Variants in CES5A observed in about 807,000 individuals in gnomAD.
CES5A encodes the protein carboxylesterase 5A.
In CES5A, 67 loss-of-function variants were observed where a neutral mutation model predicts 62.9. The observed-to-expected ratio is 1.07, with a 90% CI of 0.88 to 1.31. The LOEUF is 1.31. CES5A is among the 50% of genes most tolerant of loss of function. The probability of loss-of-function intolerance (pLI) is 0.00; values close to 1 mark genes in which losing one functional copy is unlikely to be tolerated. For missense variants in CES5A, 748 were observed against 708.5 expected (o/e 1.06, Z -0.63); for synonymous variants, 296 against 280.8 (o/e 1.05, Z -0.54).
intron 1 of CES5A, among the ~76,000 whole-genome samples, chr16:55,885,852 G>T (rs956001728): frequency 1.3e-5 from 2 of 152,168 alleles, no homozygotes; most frequent in African/African-American, 4.8e-5. Context: ...AACCAGAGCC[G>T]CCCATTATGA....
chr16:55,907,818 T>C (rs995883115), intron 1 of CES5A, among the ~76,000 whole-genome samples: 1 of 152,168 alleles, frequency 6.6e-6, no homozygotes, highest in Non-Finnish European at 1.5e-5. Flanking sequence ...CCCCTGTCAC[T>C]GTCCCTTCTT....
At chr16:55,876,153 A>C (rs1177328490), upstream of CES5A, among the ~76,000 whole-genome samples, 2 of 152,202 alleles carry the variant, frequency 1.3e-5, no homozygotes, top group Non-Finnish European at 2.9e-5. Context: ...TATTCATCAC[A>C]GCTTCTTACT....
At chr16:55,906,233 T>C (rs8043776) in intron 1 of CES5A, among the ~76,000 whole-genome samples, 74,657 of 152,122 alleles carry the variant, frequency 0.49, 18,783 homozygotes, top group Non-Finnish European at 0.52. Flanking sequence ...TGACTGAGAT[T>C]GTCCCTGTTT....
At chr16:55,873,011 C>T (rs2033623728) in intron 2 of CES5A, among the ~76,000 whole-genome samples, 1 of 152,140 alleles carries the variant, frequency 6.6e-6, no homozygotes, top group Non-Finnish European at 1.5e-5. Context: ...AGCTTGATGT[C>T]CTCAGTCCTT....
chr16:55,871,729 G>T lies in CES5A; in HGVS notation c.313C>A (p.Gln105Lys), dbSNP rs2033592771. The T allele has an allele frequency of 1.2e-6, 2 of 1,614,062 alleles. No individual in the cohort carries two copies. Among genetic ancestry groups the T allele is most frequent in the Non-Finnish European group, 1.7e-6 (2 of 1,179,984 alleles). ...LQNSEWLLLD[Q>K]HMLKVHYPKF... ...GGGTAATGCACCTTGAGCATATGTT[G>T]ATCTAAGAGCAGCCACTCTGAGTTC... Residue 105 changes from glutamine to lysine, a missense_variant, in exon 3 of 13, where the codon CAA becomes AAA. Physicochemically the swap from Gln to Lys is moderately conservative, Grantham distance 53. Transcript: ENST00000290567.
intron 1 of CES5A, among the ~76,000 whole-genome samples, chr16:55,910,776 C>G (rs1283100151): frequency 6.6e-6 from 1 of 152,126 alleles, no homozygotes; most frequent in East Asian, 2.0e-4. Context: ...CCTACATCCC[C>G]TTGGTGCCCC....
intron 1 of CES5A, among the ~76,000 whole-genome samples, chr16:55,911,765 T>C (rs559426114): frequency 6.6e-6 from 1 of 152,110 alleles, no homozygotes; most frequent in Non-Finnish European, 1.5e-5. Flanking sequence ...CCAACTCACA[T>C]AGAGAGCAAA....
At chr16:55,874,989 C>T (rs1376891139) in intron 1 of CES5A, among the ~76,000 whole-genome samples, 160 bp downstream of exon 1, 4 of 152,178 alleles carry the variant, frequency 2.6e-5, no homozygotes, top group African/African-American at 9.7e-5. Flanking sequence ...AAGCTCTGGT[C>T]CTAGGTTCTC....
chr16:55,938,795 TATAC>T (rs1378532522), intron 2 of CES5A, among the ~76,000 whole-genome samples: 2,240 of 56,244 alleles, frequency 0.04, 32 homozygotes, highest in Non-Finnish European at 0.05. Context: ...TATATATATA[TATAC>T]ACACATATAT....
intron 1 of CES5A, among the ~76,000 whole-genome samples, chr16:55,923,644 G>C (rs1254028150): frequency 2.6e-5 from 4 of 151,638 alleles, no homozygotes; most frequent in African/African-American, 9.7e-5. Flanking sequence ...AAGAGGACAG[G>C]ACACTTCCAA....
intron 5 of CES5A, among the ~76,000 whole-genome samples, chr16:55,864,767 G>A (rs535841609): frequency 6.6e-6 from 1 of 152,262 alleles, no homozygotes; most frequent in Admixed American, 6.5e-5. Flanking sequence ...GAATTAGCTG[G>A]GCATGGTGGC....
chr16:55,875,730 C>T (rs1460343290), upstream of CES5A, among the ~76,000 whole-genome samples: 9 of 152,226 alleles, frequency 5.9e-5, no homozygotes, highest in African/African-American at 2.2e-4. Flanking sequence ...CAACAAGAGT[C>T]TTCAATGGCC....
In CES5A at chr16:55,911,898, C is replaced by T. The variant is rs560358964; in HGVS notation, c.-256+13425G>A. The stretch of plus-strand genomic sequence containing the variant: ...CAGACCCAGACCAGTGCCTATGGGG[C>T]TGCCAGGGAGAGGGATGTGTATTCT... On this transcript the variant is annotated intron_variant, in intron 1 of 12. Transcript: ENST00000518005. Among the ~76,000 whole-genome samples, 506 of 152,324 alleles carry T rather than the reference C, an allele frequency of 3.3e-3. 4 individuals are homozygous for T. The highest frequency in any genetic ancestry group is 0.011 in the African/African-American group (462 of 41,570).
At chr16:55,876,390 T>C (rs111632531), upstream of CES5A, among the ~76,000 whole-genome samples, 120 of 152,334 alleles carry the variant, frequency 7.9e-4, 1 homozygote, top group African/African-American at 2.4e-3. Flanking sequence ...AACATTCCCT[T>C]TGCCTCTAGC....
intron 10 of CES5A, among the ~76,000 whole-genome samples, chr16:55,851,355 A>G (rs2033129385): frequency 6.6e-6 from 1 of 152,246 alleles, no homozygotes; most frequent in Non-Finnish European, 1.5e-5. Flanking sequence ...CTCCAAAAAC[A>G]TATATACAAA....
chr16:55,952,024 A>C (rs187443308), intron 1 of CES5A, among the ~76,000 whole-genome samples: 1 of 152,286 alleles, frequency 6.6e-6, no homozygotes, highest in Admixed American at 6.5e-5. Flanking sequence ...CATTCAAAAA[A>C]AATTACTCAC....
chr16:55,874,094 C>A (rs970745506), intron 1 of CES5A, 57 bp from the exon 2 acceptor site: 2 of 1,487,522 alleles, frequency 1.3e-6, no homozygotes, highest in Non-Finnish European at 1.8e-6. Flanking sequence ...GGGCAATGGC[C>A]CACCCAGTCT....
chr16:55,930,908 A>C (rs2034304060), intron 2 of CES5A, among the ~76,000 whole-genome samples: 1 of 152,186 alleles, frequency 6.6e-6, no homozygotes, highest in African/African-American at 2.4e-5. Context: ...GGAATGTCTT[A>C]AGTCATAGAC....
At chr16:55,862,827 G>A (rs1210318305) in intron 6 of CES5A, among the ~76,000 whole-genome samples, 1 of 152,118 alleles carries the variant, frequency 6.6e-6, no homozygotes, top group Admixed American at 6.5e-5. Flanking sequence ...GGGGCCTGAA[G>A]GACAGAGAGA....
Sources: allele counts gnomAD v4.1 joint callset (sites outside exome capture counted in the v4.1 genomes callset), GRCh38; gene constraint gnomAD v4.1.1; transcripts MANE v1.5; gene names NCBI Gene and HGNC (gene_info 2026-07-23, HGNC 2026-07-21).